ZPBP: variants seen among roughly 807,000 people sequenced by gnomAD.
ZPBP encodes the protein zona pellucida binding protein, also known as zona pellucida-binding protein 1.
ZPBP carries 26 observed loss-of-function variants against 44.8 expected under a neutral mutation model. The ratio of observed to expected loss-of-function variants is 0.58; its 90% CI spans 0.43 to 0.81. ZPBP has a LOEUF of 0.81. Ranked by LOEUF, ZPBP falls within the 30% of genes least tolerant of loss-of-function variation. The pLI is 0.00. For missense variants in ZPBP, 409 were observed against 434.0 expected (o/e 0.94, Z 0.51); for synonymous variants, 174 against 153.2 (o/e 1.14, Z -1.00).
downstream of ZPBP, among the ~76,000 whole-genome samples, chr7:49,934,706 A>G (rs1189061194): frequency 6.6e-6 from 1 of 152,176 alleles, no homozygotes. Context: ...AGAAATTAAT[A>G]CCATTGGATG....
chr7:49,856,021 C>T (rs1790403282), intron 2 of ZPBP, among the ~76,000 whole-genome samples: 1 of 152,160 alleles, frequency 6.6e-6, no homozygotes, highest in African/African-American at 2.4e-5. Context: ...AAATGCTTAA[C>T]CCTGCTTAGT....
chr7:49,896,529 T>G (rs1227148392), intron 2 of ZPBP, among the ~76,000 whole-genome samples: 2 of 150,676 alleles, frequency 1.3e-5, no homozygotes, highest in Non-Finnish European at 1.5e-5. Flanking sequence ...AAAGAAAAAA[T>G]AGTAAAGATG....
At chr7:49,966,588 A>G (rs1418849485) in intron 7 of ZPBP, among the ~76,000 whole-genome samples, 1 of 152,202 alleles carries the variant, frequency 6.6e-6, no homozygotes, top group African/African-American at 2.4e-5. Flanking sequence ...CTTCTAAACA[A>G]CCAAATGCTC....
At chr7:49,893,196 A>T (rs1484359209) in intron 2 of ZPBP, among the ~76,000 whole-genome samples, 2 of 152,170 alleles carry the variant, frequency 1.3e-5, no homozygotes, top group East Asian at 3.9e-4. Flanking sequence ...GTGGCATATG[A>T]TAAATCAACT....
intron 1 of ZPBP, chr7:49,912,406 T>A (rs1793502343): frequency 4.3e-6 from 2 of 463,010 alleles, no homozygotes; most frequent in African/African-American, 3.9e-5. Flanking sequence ...CTTCTCTAAA[T>A]AAATGTGCTA....
intron 1 of ZPBP, chr7:49,913,224 G>A (rs1486385808): frequency 6.6e-6 from 1 of 152,132 alleles, no homozygotes; most frequent in African/African-American, 2.4e-5. Flanking sequence ...AGCAGAGTGA[G>A]GAAGCAGTTA....
intron 2 of ZPBP, among the ~76,000 whole-genome samples, chr7:49,857,218 C>T (rs916504526): frequency 2.6e-5 from 4 of 152,102 alleles, no homozygotes; most frequent in African/African-American, 9.7e-5. Flanking sequence ...AACCACCATT[C>T]TGGTTCAGCT....
chr7:49,874,137 T>A (rs1425763970), intron 2 of ZPBP, among the ~76,000 whole-genome samples: 1 of 152,100 alleles, frequency 6.6e-6, no homozygotes, highest in Non-Finnish European at 1.5e-5. Context: ...CTATGTGTTG[T>A]AGCCAAGGTT....
chr7:49,887,898 G>A (rs373213110), intron 2 of ZPBP, among the ~76,000 whole-genome samples: 94 of 152,284 alleles, frequency 6.2e-4, no homozygotes, highest in Admixed American at 3.3e-3. Flanking sequence ...TCTTCCTTGC[G>A]TTGTATTTAT....
At chr7:49,865,761 C>T (rs1308319443) in intron 2 of ZPBP, among the ~76,000 whole-genome samples, 1 of 152,210 alleles carries the variant, frequency 6.6e-6, no homozygotes, top group Non-Finnish European at 1.5e-5. Flanking sequence ...ACAAGCCAGC[C>T]TCCTGATCCA....
At chr7:49,987,116 A>G (rs1359796981) in intron 6 of ZPBP, among the ~76,000 whole-genome samples, 3 of 152,084 alleles carry the variant, frequency 2.0e-5, no homozygotes, top group Admixed American at 6.5e-5. Context: ...TCCACGAACC[A>G]CCTTGAATTT....
intron 7 of ZPBP, among the ~76,000 whole-genome samples, chr7:49,947,606 G>C (rs1028625865): frequency 6.6e-6 from 1 of 152,206 alleles, no homozygotes; most frequent in African/African-American, 2.4e-5. Context: ...AAGAGGAGGG[G>C]TGAATCAGGC....
At chr7:50,089,597 T>C (rs1341341111) in intron 2 of ZPBP, 32 bp downstream of exon 2, 1 of 1,497,858 alleles carries the variant, frequency 6.7e-7, no homozygotes, top group Non-Finnish European at 9.2e-7. Flanking sequence ...CTAATAACTT[T>C]TAAAAATTAG....
intron 7 of ZPBP, among the ~76,000 whole-genome samples, chr7:49,977,239 T>C (rs1796570568): frequency 6.6e-6 from 1 of 152,142 alleles, no homozygotes; most frequent in Admixed American, 6.5e-5. Flanking sequence ...TCTTCAGAAA[T>C]ATAATGATTC....
At chr7:49,933,740 A>G (rs555170138), downstream of ZPBP, among the ~76,000 whole-genome samples, 9 of 152,174 alleles carry the variant, frequency 5.9e-5, no homozygotes, top group Admixed American at 2.0e-4. Flanking sequence ...GGATGAGCTC[A>G]TGTCCTTTGT....
chr7:49,940,702 G>T (rs1794839402), intron 7 of ZPBP: 10 of 956,320 alleles, frequency 1.0e-5, no homozygotes, highest in Non-Finnish European at 1.2e-5. Context: ...AAAAATTGTG[G>T]CATTTTTACT....
intron 7 of ZPBP, chr7:49,942,967 T>C (rs1794950517): frequency 5.7e-6 from 1 of 175,166 alleles, no homozygotes; most frequent in Admixed American, 6.2e-5. Context: ...CTTCCTCTTC[T>C]GGATTGTTCT....
chr7:49,860,918 C>A (rs1391463373), intron 2 of ZPBP, among the ~76,000 whole-genome samples: 2 of 152,192 alleles, frequency 1.3e-5, no homozygotes, highest in African/African-American at 4.8e-5. Flanking sequence ...CCAAACCTCC[C>A]AATACCTTGA....
chr7:49,844,058 C>T, the ZPBP span, among the ~76,000 whole-genome samples: 1 of 152,142 alleles, frequency 6.6e-6, no homozygotes, highest in African/African-American at 2.4e-5. Flanking sequence ...GTTGGCAGCA[C>T]AGGAGGAGAC....
Sources: gnomAD v4.1 joint callset for allele counts (sites outside exome capture counted in the v4.1 genomes callset) on GRCh38, gnomAD v4.1.1 for gene constraint, MANE v1.5 for transcripts, NCBI Gene and HGNC (gene_info 2026-07-23, HGNC 2026-07-21) for gene names.